The following ABCA9 variants were observed in gnomAD, a reference collection of about 807,000 sequenced individuals.
The protein encoded by ABCA9 is ATP binding cassette subfamily A member 9.
Under a neutral mutation model 205.3 loss-of-function variants are expected in ABCA9, and 183 were observed. The observed-to-expected ratio is 0.89, with a 90% confidence interval of 0.79 to 1.01. The LOEUF (loss-of-function observed/expected upper bound fraction) is 1.01. Ranked by LOEUF, ABCA9 falls within the 50% of genes least tolerant of loss-of-function variation. The probability of loss-of-function intolerance (pLI) is 0.00; values close to 1 mark genes in which losing one functional copy is unlikely to be tolerated. For synonymous variants in ABCA9, 651 were observed against 683.3 expected (o/e 0.95, Z 0.74); for missense variants, 1,805 against 1,912.4 (o/e 0.94, Z 1.05).
chr17:68,990,007 A>C, intron 29 of ABCA9, 77 bp from the exon 30 acceptor site: 2 of 1,016,062 alleles, frequency 2.0e-6, no homozygotes, highest in South Asian at 1.5e-5. Flanking sequence ...CTTGTCACCA[A>C]ACCTTTCCTT....
At chr17:68,989,191 C>A in intron 30 of ABCA9, 73 bp from the exon 31 acceptor site, 1 of 931,940 alleles carries the variant, frequency 1.1e-6, no homozygotes, top group Non-Finnish European at 1.7e-6. Flanking sequence ...CATTTGAGGG[C>A]TGTGTGTCAA....
At chr17:69,064,279 A>G (rs897225384), upstream of ABCA9, among the ~76,000 whole-genome samples, 1 of 151,730 alleles carries the variant, frequency 6.6e-6, no homozygotes, top group African/African-American at 2.4e-5. Context: ...CCCAACTATC[A>G]TCTATAAAGT....
intron 1 of ABCA9, among the ~76,000 whole-genome samples, chr17:69,059,113 A>G (rs563683646): frequency 1.3e-5 from 2 of 152,288 alleles, no homozygotes; most frequent in East Asian, 3.9e-4. Context: ...CGTCCCTCCC[A>G]TGACAGATAG....
intron 25 of ABCA9, among the ~76,000 whole-genome samples, chr17:68,997,641 T>G (rs1451485430): frequency 6.6e-6 from 1 of 151,636 alleles, no homozygotes; most frequent in Non-Finnish European, 1.5e-5. Context: ...TATTTATTCA[T>G]TTTTTGGAGC....
chr17:69,026,083 TGAG>T (rs1404815902), intron 16 of ABCA9, among the ~76,000 whole-genome samples: 1 of 152,072 alleles, frequency 6.6e-6, no homozygotes, highest in Non-Finnish European at 1.5e-5. Context: ...ATCTAAAATA[TGAG>T]AAGAGAAAGG....
chr17:69,025,197 A>C (rs1045607038), intron 16 of ABCA9, among the ~76,000 whole-genome samples: 11 of 152,190 alleles, frequency 7.2e-5, no homozygotes, highest in African/African-American at 2.7e-4. Context: ...AACTCAGTTG[A>C]GCACTTTGCA....
intron 32 of ABCA9, among the ~76,000 whole-genome samples, chr17:68,985,891 A>C (rs574804469): frequency 6.6e-6 from 1 of 152,174 alleles, no homozygotes; most frequent in African/African-American, 2.4e-5. Context: ...CAAGAGGCGG[A>C]GGTTGCACTG....
chr17:68,986,514 G>A (rs1420381242), intron 31 of ABCA9, 190 bp from the exon 32 acceptor site: 1 of 502,386 alleles, frequency 2.0e-6, no homozygotes, highest in Non-Finnish European at 3.4e-6. Context: ...ACATTCCATG[G>A]TTATCCATTG....
At chr17:69,072,081 C>A in the ABCA9 span, among the ~76,000 whole-genome samples, 83,755 of 151,926 alleles carry the variant, frequency 0.55, 24,314 homozygotes, top group Non-Finnish European at 0.66. Context: ...AGTCTCCAAG[C>A]AATATGGGAC....
At chr17:68,991,219 A>T (rs547509183) in intron 28 of ABCA9, among the ~76,000 whole-genome samples, 153 of 152,302 alleles carry the variant, frequency 1.0e-3, no homozygotes, top group Non-Finnish European at 1.8e-3. Context: ...TTCAAAGAAG[A>T]AAGTGGTATA....
intron 16 of ABCA9, among the ~76,000 whole-genome samples, chr17:69,024,883 T>C (rs2070930888): frequency 6.6e-6 from 1 of 151,164 alleles, no homozygotes; most frequent in Non-Finnish European, 1.5e-5. Context: ...CTGGCCTGTC[T>C]TTATTAAGAA....
In ABCA9 at chr17:69,035,249, G is replaced by T; in HGVS notation, c.1125C>A (p.Ala375=). The change falls in exon 8 of 39, where the codon GCC becomes GCA. Residue 375 remains alanine, a synonymous_variant. Transcript: ENST00000340001. ...LSPFAFTVGM[A]QLIHLDYDVN... is the part of the protein sequence containing the mutation. ...AAAGTGTTACCTTAACTCTTACCTG[G>T]GCCATCCCAACAGTGAAGGCAAAGG... 1 of 1,567,356 alleles carries T rather than the reference G, an allele frequency of 6.4e-7. No homozygotes were observed. Among genetic ancestry groups the T allele is most frequent in the Non-Finnish European group, 8.6e-7 (1 of 1,159,586 alleles).
the ABCA9 span, among the ~76,000 whole-genome samples, chr17:69,071,053 T>C: frequency 2.2e-4 from 33 of 152,304 alleles, no homozygotes; most frequent in African/African-American, 7.7e-4. Flanking sequence ...TCCTCCTCTC[T>C]GGGCAGGGCA....
rs370912046 is a variant in ABCA9 at position 69,027,458 on chromosome 17, A to G, written c.1792-9T>C. On this transcript the variant is annotated splice_polypyrimidine_tract_variant and intron_variant, in intron 13 of 38. Coordinates refer to ENST00000340001, the MANE Select transcript of ABCA9 (RefSeq NM_080283.4). ...TGTACAACTCGTTGTACCTAATCAA[A>G]TAAAGAATATTTAGTCCAAAACCCA... 78 of 1,600,718 alleles carry G rather than the reference A, an allele frequency of 4.9e-5. No individual in the cohort carries two copies. The African/African-American group carries it at 9.8e-4, about 20-fold the overall frequency.
At chr17:68,985,225 T>A in intron 32 of ABCA9, 97 bp from the exon 33 acceptor site, 1 of 1,521,896 alleles carries the variant, frequency 6.6e-7, no homozygotes, top group Non-Finnish European at 9.1e-7. Context: ...GGGGAGGTGT[T>A]TATGAGTGGT....
the ABCA9 span, among the ~76,000 whole-genome samples, chr17:69,070,681 C>T: frequency 0.5 from 75,482 of 152,006 alleles, 21,503 homozygotes; most frequent in Non-Finnish European, 0.65. Context: ...GGGCAGACAC[C>T]GAGCTAGCTG....
At chr17:69,078,242 T>C in the ABCA9 span, among the ~76,000 whole-genome samples, 2 of 150,948 alleles carry the variant, frequency 1.3e-5, no homozygotes, top group Non-Finnish European at 3.0e-5. Flanking sequence ...TCTCACTCTG[T>C]CACCCAGGCT....
chr17:68,992,861 G>GTGTGTGCACGCATGCATGCATGTGCA (rs2069499371), intron 27 of ABCA9, among the ~76,000 whole-genome samples, 155 bp downstream of exon 27: 2 of 150,838 alleles, frequency 1.3e-5, no homozygotes, highest in Admixed American at 1.3e-4. Context: ...TCGTGTGTGT[G>GTGTGTGCACGCATGCATGCATGTGCA]TGTGTGTGCA....
chr17:68,987,393 A>G (rs552899041), intron 31 of ABCA9, among the ~76,000 whole-genome samples: 46 of 152,374 alleles, frequency 3.0e-4, no homozygotes, highest in African/African-American at 1.1e-3. Flanking sequence ...GTAAGTGAAC[A>G]ATTTATAACC....
Sources: gnomAD v4.1 joint callset for allele counts (sites outside exome capture counted in the v4.1 genomes callset) on GRCh38, gnomAD v4.1.1 for gene constraint, MANE v1.5 for transcripts, NCBI Gene and HGNC (gene_info 2026-07-23, HGNC 2026-07-21) for gene names.